Variants in MACROD2 observed in about 807,000 individuals in gnomAD.
MACROD2 encodes mono-ADP ribosylhydrolase 2, also known as ADP-ribose glycohydrolase MACROD2.
A neutral mutation model predicts 70.4 loss-of-function variants in MACROD2; 36 were observed. The ratio of observed to expected loss-of-function variants is 0.51; its 90% CI spans 0.39 to 0.68. The LOEUF (loss-of-function observed/expected upper bound fraction) is 0.68. Among genes scored for constraint, MACROD2 ranks in the 30% least tolerant of loss-of-function variants. MACROD2 has a pLI of 0.00. For missense variants in MACROD2, 496 were observed against 538.4 expected (o/e 0.92, Z 0.78); for synonymous variants, 172 against 178.8 (o/e 0.96, Z 0.30).
intron 15 of MACROD2, among the ~76,000 whole-genome samples, chr20:15,990,117 A>C (rs2066538199): frequency 6.6e-6 from 1 of 152,200 alleles, no homozygotes; most frequent in Non-Finnish European, 1.5e-5. Flanking sequence ...CAACAGGCAG[A>C]AAGTGAGGTT....
chr20:15,567,966 C>G (rs2146619949), intron 8 of MACROD2, among the ~76,000 whole-genome samples: 1 of 152,250 alleles, frequency 6.6e-6, no homozygotes, highest in Middle Eastern at 3.4e-3. Flanking sequence ...AAGACTGTAC[C>G]AGCTAAATAC....
chr20:15,276,189 A>G (rs986845251), intron 6 of MACROD2, among the ~76,000 whole-genome samples: 2 of 152,090 alleles, frequency 1.3e-5, no homozygotes, highest in African/African-American at 4.8e-5. Context: ...TCACAAGGTC[A>G]GGAGATCGAG....
chr20:14,315,067 A>T (rs1168133908), intron 3 of MACROD2, among the ~76,000 whole-genome samples: 1 of 152,182 alleles, frequency 6.6e-6, no homozygotes, highest in Non-Finnish European at 1.5e-5. Flanking sequence ...GTTCTGGTGT[A>T]TTTTGTTTTA....
chr20:14,672,465 G>A (rs1421448349), intron 4 of MACROD2, among the ~76,000 whole-genome samples: 1 of 152,178 alleles, frequency 6.6e-6, no homozygotes, highest in Non-Finnish European at 1.5e-5. Flanking sequence ...GATTCAAGTG[G>A]TAGGGAAACA....
chr20:15,234,012 C>CTTTTTTTTTTTTTTTTTTTTT (rs1177498607), intron 6 of MACROD2, among the ~76,000 whole-genome samples: 7 of 29,186 alleles, frequency 2.4e-4, no homozygotes, highest in East Asian at 1.4e-3. Flanking sequence ...TATATATATT[C>CTTTTTTTTTTTTTTTTTTTTT]TTTTTTTTTT....
chr20:14,360,813 T>G (rs563086927), intron 3 of MACROD2, among the ~76,000 whole-genome samples: 7 of 152,236 alleles, frequency 4.6e-5, no homozygotes, highest in Non-Finnish European at 8.8e-5. Context: ...TTTTATTTAA[T>G]GATACAGGTG....
chr20:15,661,250 A>G (rs2049817720), intron 8 of MACROD2, among the ~76,000 whole-genome samples: 1 of 152,170 alleles, frequency 6.6e-6, no homozygotes, highest in Admixed American at 6.6e-5. Flanking sequence ...GAATACCTGA[A>G]GCTGGGTAAT....
chr20:14,645,905 G>A (rs903492877), intron 4 of MACROD2, among the ~76,000 whole-genome samples: 2 of 151,628 alleles, frequency 1.3e-5, no homozygotes, highest in Non-Finnish European at 2.9e-5. Flanking sequence ...GTGCAGAAAT[G>A]GATTGTCATA....
At chr20:15,729,974 C>T (rs1490566252) in intron 8 of MACROD2, among the ~76,000 whole-genome samples, 1 of 151,756 alleles carries the variant, frequency 6.6e-6, no homozygotes, top group Non-Finnish European at 1.5e-5. Context: ...ATTACAGGCA[C>T]CTGCCACCAC....
At chr20:15,878,825 A>T (rs1459687157) in intron 9 of MACROD2, among the ~76,000 whole-genome samples, 1 of 152,134 alleles carries the variant, frequency 6.6e-6, no homozygotes, top group Non-Finnish European at 1.5e-5. Flanking sequence ...TATGAAGGGG[A>T]TTCTGAAGTA....
At chr20:14,089,715 G>T (rs2054123462) in intron 3 of MACROD2, among the ~76,000 whole-genome samples, 2 of 151,734 alleles carry the variant, frequency 1.3e-5, no homozygotes, top group South Asian at 2.1e-4. Context: ...GGCAGACCTG[G>T]GTTCAAAATT....
chr20:14,249,967 C>A (rs1377436763), intron 3 of MACROD2, among the ~76,000 whole-genome samples: 1 of 152,034 alleles, frequency 6.6e-6, no homozygotes, highest in East Asian at 1.9e-4. Context: ...AGAAGCAGGA[C>A]TTTGGAGCAG....
intron 3 of MACROD2, among the ~76,000 whole-genome samples, chr20:14,259,057 C>A (rs1229696739): frequency 6.6e-6 from 1 of 152,214 alleles, no homozygotes; most frequent in Non-Finnish European, 1.5e-5. Context: ...ATTCCCCTGC[C>A]TCAGCCTTCT....
chr20:15,733,770 T>A (rs1209916109), intron 8 of MACROD2, among the ~76,000 whole-genome samples: 1 of 152,204 alleles, frequency 6.6e-6, no homozygotes, highest in African/African-American at 2.4e-5. Context: ...GAATCTGAAC[T>A]GCAGAAACGT....
chr20:15,317,523 A>ATCTGTCTGTCTG (rs1555804056), intron 6 of MACROD2, among the ~76,000 whole-genome samples: 1 of 149,282 alleles, frequency 6.7e-6, no homozygotes, highest in Admixed American at 6.7e-5. Flanking sequence ...CTATCTATCT[A>ATCTGTCTGTCTG]TCTGTCTATC....
At chr20:15,716,968 A>G (rs1211871714) in intron 8 of MACROD2, among the ~76,000 whole-genome samples, 1 of 152,194 alleles carries the variant, frequency 6.6e-6, no homozygotes, top group East Asian at 1.9e-4. Flanking sequence ...AGCTTCCTCA[A>G]ATCCCATTCT....
intron 3 of MACROD2, among the ~76,000 whole-genome samples, chr20:14,293,570 C>T (rs899383507): frequency 5.3e-5 from 8 of 151,690 alleles, no homozygotes; most frequent in African/African-American, 1.2e-4. Flanking sequence ...GCTAGATGTG[C>T]GGGCTGGGGA....
intron 8 of MACROD2, among the ~76,000 whole-genome samples, chr20:15,826,882 A>G (rs2064002927): frequency 6.6e-6 from 1 of 152,210 alleles, no homozygotes; most frequent in Admixed American, 6.6e-5. Flanking sequence ...TGTGGCTGAC[A>G]TATGAACTTT....
At chr20:14,180,214 G>GA (rs1294705240) in intron 3 of MACROD2, among the ~76,000 whole-genome samples, 45 of 146,676 alleles carry the variant, frequency 3.1e-4, no homozygotes, top group Non-Finnish European at 4.8e-4. Context: ...TAGCGAGGGA[G>GA]AAAAAAAAAA....
Sources: allele counts gnomAD v4.1 joint callset (sites outside exome capture counted in the v4.1 genomes callset), GRCh38; gene constraint gnomAD v4.1.1; transcripts MANE v1.5; gene names NCBI Gene and HGNC (gene_info 2026-07-23, HGNC 2026-07-21).